The following MTURN variants were observed in gnomAD, a reference collection of about 807,000 sequenced individuals.
MTURN encodes the protein maturin.
A neutral mutation model predicts 14.9 loss-of-function variants in MTURN; 7 were observed. The ratio of observed to expected loss-of-function variants is 0.47; its 90% CI spans 0.27 to 0.88. The LOEUF (loss-of-function observed/expected upper bound fraction) is 0.88. MTURN is among the 40% of genes least tolerant of loss of function. The probability of loss-of-function intolerance (pLI) is 0.14; values close to 1 mark genes in which losing one functional copy is unlikely to be tolerated. For synonymous variants in MTURN, 69 were observed against 72.5 expected (o/e 0.95, Z 0.25); for missense variants, 151 against 174.1 (o/e 0.87, Z 0.75).
At chr7:30,140,411 G>A (rs199825083) in intron 1 of MTURN, among the ~76,000 whole-genome samples, 10 of 24,354 alleles carry the variant, frequency 4.1e-4, no homozygotes, top group African/African-American at 7.9e-4. Context: ...GTGTGTGTGT[G>A]TGTGTATCCC....
Position 30,157,695 on chromosome 7 carries a change from C to T in MTURN, c.*147C>T, listed in dbSNP as rs1165668415. On this transcript the variant is annotated 3_prime_UTR_variant, in exon 3 of 3. Coordinates refer to ENST00000324453, the MANE Select transcript of MTURN (RefSeq NM_152793.3). ...AAATTAAAATGAAATACCTTTTTAA[C>T]GACCACAAAATATCTGTGATGAGCT... is the stretch of plus-strand genomic sequence containing the variant. The T allele has an allele frequency of 1.7e-5, 8 of 469,176 alleles. No individual in the cohort carries two copies. The highest frequency in any genetic ancestry group is 6.1e-5 in the African/African-American group (3 of 48,886). 29.1% of individuals were successfully genotyped at this position (469,176 alleles called of 1,614,324 possible). A position where few individuals can be genotyped will look rare whatever the true frequency, so the allele number is the denominator to read the frequency against.
At position 30,146,171 on chromosome 7, in the gene MTURN, A is replaced by T. The variant is rs758974515; in HGVS notation, c.163-6A>T. ...TTTTCTCCTTCCGTCGCCCGTGGGC[A>T]CGCAGCACGTGTGGAGTGAGAGCGA... On this transcript the variant is annotated splice_polypyrimidine_tract_variant and splice_region_variant and intron_variant, in intron 1 of 2. Coordinates refer to ENST00000324453, the MANE Select transcript of MTURN (RefSeq NM_152793.3). The T allele has an allele frequency of 4.3e-6, 7 of 1,613,782 alleles. No homozygotes were observed. In the South Asian group the frequency reaches 5.5e-5, roughly 13 times the overall value.
At chr7:30,140,413 G>GTGTGTGTGTGTATATATATATATATATA (rs1797033100) in intron 1 of MTURN, among the ~76,000 whole-genome samples, 1 of 22,992 alleles carries the variant, frequency 4.3e-5, no homozygotes, top group Non-Finnish European at 1.6e-4. Flanking sequence ...GTGTGTGTGT[G>GTGTGTGTGTGTATATATATATATATATA]TGTATCCCCA....
chr7:30,136,624 G>A (rs1178160442), intron 1 of MTURN, among the ~76,000 whole-genome samples: 6 of 152,056 alleles, frequency 3.9e-5, no homozygotes, highest in African/African-American at 7.2e-5. Flanking sequence ...ATGCCTGGCC[G>A]ATAAAGCATT....
chr7:30,153,012 G>C (rs897092282), intron 2 of MTURN, among the ~76,000 whole-genome samples: 4 of 152,030 alleles, frequency 2.6e-5, no homozygotes, highest in Non-Finnish European at 5.9e-5. Context: ...TATTTTCCCA[G>C]TCAGCTGAAA....
Position 30,159,094 on chromosome 7 carries a change from G to A in MTURN, c.*1546G>A, listed in dbSNP as rs887935318. On this transcript the variant is annotated 3_prime_UTR_variant, in exon 3 of 3. Transcript: ENST00000324453. ...CAGCGTACTCCAGTTTTAAGTCATCGGGTAAAATAATAGGACAGTGATTTC... is the reference window on the plus strand; with the variant it reads ...CAGCGTACTCCAGTTTTAAGTCATCAGGTAAAATAATAGGACAGTGATTTC... The A allele has an allele frequency of 6.6e-6, 1 of 152,128 alleles. No individual in the cohort carries two copies. The highest frequency in any genetic ancestry group is 6.5e-5 in the Admixed American group (1 of 15,272). The allele number at this position is 152,128 out of a possible 1,614,324, so 9.4% of individuals were successfully genotyped here.
intron 1 of MTURN, among the ~76,000 whole-genome samples, chr7:30,138,964 C>T (rs367653921): frequency 3.9e-5 from 6 of 152,144 alleles, no homozygotes; most frequent in African/African-American, 1.4e-4. Flanking sequence ...CCTTCCTGAC[C>T]ACATGTTCTT....
chr7:30,146,988 C>T lies in MTURN; in HGVS notation c.285+689C>T, dbSNP rs934647961. ...AGTGTCTCAGTGTTTCCCCTAAGTT[C>T]GATTCCCTGCCCACTGTAAATACTG... On this transcript the variant is annotated intron_variant, in intron 2 of 2. Transcript: ENST00000324453. Among the ~76,000 whole-genome samples the T allele has an allele frequency of 6.6e-5, 10 of 152,192 alleles. No homozygotes were observed. The East Asian group carries it at 1.2e-3, about 18-fold the overall frequency.
chr7:30,136,138 CTGCTGAAGCCCGTTGGCTT>C (rs1379531410), intron 1 of MTURN, among the ~76,000 whole-genome samples: 1 of 152,252 alleles, frequency 6.6e-6, no homozygotes, highest in African/African-American at 2.4e-5. Context: ...TGCCCTGGCC[CTGCTGAAGCCCGTTGGCTT>C]TTCCAGATGA....
In MTURN at chr7:30,135,192, T is replaced by C. The variant is rs746891058; in HGVS notation, c.56T>C (p.Phe19Ser). 1 of 1,503,048 alleles carries C rather than the reference T, an allele frequency of 6.7e-7. No homozygotes were observed. Among genetic ancestry groups the C allele is most frequent in the African/African-American group, 1.4e-5 (1 of 69,216 alleles). 93.1% of individuals were successfully genotyped at this position (1,503,048 alleles called of 1,614,324 possible). ...VAEKWCSNTP[F>S]ELIATEETER... ...GAGAAATGGTGCTCCAACACGCCCT[T>C]CGAGCTCATCGCCACCGAGGAGACC... Residue 19 changes from phenylalanine (F) to serine (S), a missense_variant, in exon 1 of 3, where the codon TTC becomes TCC. Physicochemically the swap from Phe to Ser is radical, Grantham distance 155. Coordinates refer to ENST00000324453, the MANE Select transcript of MTURN (RefSeq NM_152793.3).
intron 2 of MTURN, among the ~76,000 whole-genome samples, chr7:30,152,016 C>A (rs1797219644): frequency 6.6e-6 from 1 of 152,122 alleles, no homozygotes; most frequent in South Asian, 2.1e-4. Flanking sequence ...TGGTCAAGAG[C>A]CTGGAAAAGA....
intron 2 of MTURN, among the ~76,000 whole-genome samples, chr7:30,151,209 AT>A (rs1276303439): frequency 6.6e-6 from 1 of 152,198 alleles, no homozygotes; most frequent in Non-Finnish European, 1.5e-5. Flanking sequence ...TCGTATCCAA[AT>A]GGCACATGTA....
At chr7:30,146,901 A>G (rs1035375022) in intron 2 of MTURN, among the ~76,000 whole-genome samples, 1 of 152,148 alleles carries the variant, frequency 6.6e-6, no homozygotes. Context: ...ATGAATGCTC[A>G]CTTCTATTTT....
chr7:30,155,769 G>A (rs1797278274), intron 2 of MTURN, among the ~76,000 whole-genome samples: 1 of 152,210 alleles, frequency 6.6e-6, no homozygotes. Flanking sequence ...AGGGTGCTGG[G>A]AGACCTGGGA....
At chr7:30,146,327 A>G in intron 2 of MTURN, 28 bp downstream of exon 2, 8 of 1,612,544 alleles carry the variant, frequency 5.0e-6, no homozygotes, top group Non-Finnish European at 6.8e-6. Flanking sequence ...TTCTCACCAC[A>G]GCTTGTTTTC....
At chr7:30,141,640 A>G (rs1797054502) in intron 1 of MTURN, among the ~76,000 whole-genome samples, 1 of 152,066 alleles carries the variant, frequency 6.6e-6, no homozygotes, top group African/African-American at 2.4e-5. Flanking sequence ...CTGCTGCTTC[A>G]TCCTGGCAAG....
At chr7:30,146,018 G>C in intron 1 of MTURN, 159 bp from the exon 2 acceptor site, 1 of 1,558,954 alleles carries the variant, frequency 6.4e-7, no homozygotes, top group Non-Finnish European at 8.7e-7. Flanking sequence ...CCCTTTCAAC[G>C]CAAACAAATC....
intron 2 of MTURN, among the ~76,000 whole-genome samples, chr7:30,146,983 A>G (rs1406525269): frequency 1.3e-5 from 2 of 152,282 alleles, no homozygotes; most frequent in East Asian, 3.9e-4. Flanking sequence ...TGTTTCCCCT[A>G]AGTTCGATTC....
chr7:30,157,501 G>T lies in MTURN; in HGVS notation c.349G>T (p.Glu117Ter). ...AGAGTACAGTGCTGACGTGGAAGAA[G>T]AGGAGCCAGAGGCGGACCACCCCCA... ...FEEYSADVEE[E>*]EPEADHPQMG... The change falls in exon 3 of 3, where the codon GAG (glutamate) becomes TAG (stop). Residue 117 changes from glutamate to a stop codon, truncating the protein, a stop_gained. Coordinates refer to ENST00000324453, the MANE Select transcript of MTURN (RefSeq NM_152793.3). LOFTEE classifies it high-confidence loss of function. The T allele has an allele frequency of 6.2e-7, 1 of 1,606,460 alleles. No individual in the cohort carries two copies.
Sources: gnomAD v4.1 joint callset for allele counts (sites outside exome capture counted in the v4.1 genomes callset) on GRCh38, gnomAD v4.1.1 for gene constraint, MANE v1.5 for transcripts, NCBI Gene and HGNC (gene_info 2026-07-23, HGNC 2026-07-21) for gene names.